Variants in KLRG1 observed in about 807,000 individuals in gnomAD.
The protein encoded by KLRG1 is killer cell lectin like receptor G1.
Under a neutral mutation model 21.8 loss-of-function variants are expected in KLRG1, and 16 were observed. The ratio of observed to expected loss-of-function variants is 0.73; its 90% CI spans 0.50 to 1.11. The LOEUF (loss-of-function observed/expected upper bound fraction) is 1.11, where lower values mean the gene tolerates loss of function less well. Ranked by LOEUF, KLRG1 falls within the 50% of genes most tolerant of loss-of-function variation. KLRG1 has a pLI of 0.00. For missense variants in KLRG1, 173 were observed against 218.3 expected (o/e 0.79, Z 1.31); for synonymous variants, 69 against 75.9 (o/e 0.91, Z 0.47).
chr12:9,007,707 C>A (rs932723436), intron 3 of KLRG1, among the ~76,000 whole-genome samples: 1 of 152,146 alleles, frequency 6.6e-6, no homozygotes, highest in Non-Finnish European at 1.5e-5. Context: ...AAAACAACAT[C>A]AAAATGGGAC....
chr12:9,120,626 A>G, the KLRG1 span, among the ~76,000 whole-genome samples: 1 of 152,232 alleles, frequency 6.6e-6, no homozygotes, highest in Non-Finnish European at 1.5e-5. Flanking sequence ...AGCTTCCCAT[A>G]GTCCTGACAG....
chr12:9,160,725 G>T, the KLRG1 span, among the ~76,000 whole-genome samples: 1 of 151,990 alleles, frequency 6.6e-6, no homozygotes, highest in Non-Finnish European at 1.5e-5. Context: ...CCATCCTGGT[G>T]AACACGGTGA....
the KLRG1 span, chr12:9,208,505 C>T: frequency 1.7e-6 from 1 of 574,860 alleles, no homozygotes; most frequent in Non-Finnish European, 3.1e-6. Context: ...CTAAAAGGGT[C>T]ATTACTCTCA....
chr12:9,082,591 A>G, the KLRG1 span, among the ~76,000 whole-genome samples: 1 of 152,216 alleles, frequency 6.6e-6, no homozygotes. Context: ...TAAAAACCAG[A>G]AGAAGTGGCT....
chr12:9,009,832 C>T lies in KLRG1; in HGVS notation c.*295C>T, dbSNP rs746671474. 446 of 1,440,898 alleles carry T rather than the reference C, an allele frequency of 3.1e-4. No individual in the cohort carries two copies. The highest frequency in any genetic ancestry group is 3.8e-4 in the Non-Finnish European group (418 of 1,102,332). The allele number at this position is 1,440,898 out of a possible 1,614,324, so 89.3% of individuals were successfully genotyped here. A position where few individuals can be genotyped will look rare whatever the true frequency, so the allele number is the denominator to read the frequency against. The stretch of plus-strand genomic sequence containing the variant: ...AAACTAATGCTGCCACTCTCATCCC[C>T]GTCCCAACCATCTCTGTCAAAAATA... On this transcript the variant is annotated 3_prime_UTR_variant, in exon 5 of 5. Coordinates refer to ENST00000356986, the MANE Select transcript of KLRG1 (RefSeq NM_005810.4).
chr12:9,023,494 C>T, the KLRG1 span, among the ~76,000 whole-genome samples: 3 of 151,788 alleles, frequency 2.0e-5, no homozygotes, highest in Non-Finnish European at 4.4e-5. Flanking sequence ...TTAATGAATT[C>T]TTCTAGAAAT....
the KLRG1 span, among the ~76,000 whole-genome samples, chr12:9,130,712 A>G: frequency 2.0e-5 from 3 of 151,678 alleles, no homozygotes; most frequent in Non-Finnish European, 2.9e-5. Flanking sequence ...ACTTCTAAAT[A>G]TATTCTTTGT....
chr12:9,203,034 A>G, the KLRG1 span, among the ~76,000 whole-genome samples: 1 of 152,158 alleles, frequency 6.6e-6, no homozygotes. Flanking sequence ...AACTTTAAAG[A>G]GGTACTAGGT....
the KLRG1 span, chr12:9,095,635 A>C: frequency 1.2e-6 from 2 of 1,612,744 alleles, no homozygotes; most frequent in Non-Finnish European, 1.7e-6. Context: ...TGCAGTCTTC[A>C]TTGTCCTGGT....
chr12:9,134,117 C>T, the KLRG1 span, among the ~76,000 whole-genome samples: 3 of 152,310 alleles, frequency 2.0e-5, no homozygotes, highest in South Asian at 6.2e-4. Context: ...CTACAGAACT[C>T]TTCTTTCCCT....
At chr12:9,043,678 T>C in the KLRG1 span, among the ~76,000 whole-genome samples, 9 of 152,218 alleles carry the variant, frequency 5.9e-5, no homozygotes, top group African/African-American at 2.2e-4. Context: ...TTGCTACTCC[T>C]CCCTCAAGAG....
chr12:9,165,426 T>C, the KLRG1 span: 2 of 1,584,312 alleles, frequency 1.3e-6, no homozygotes, highest in Non-Finnish European at 1.7e-6. Flanking sequence ...TTTTCTCAAG[T>C]GAGAATTAAT....
At chr12:9,065,445 G>A in the KLRG1 span, among the ~76,000 whole-genome samples, 4 of 152,080 alleles carry the variant, frequency 2.6e-5, no homozygotes, top group African/African-American at 9.7e-5. Context: ...AGCAAGGTCG[G>A]GCCGAGCCTG....
chr12:9,160,863 C>A, the KLRG1 span, among the ~76,000 whole-genome samples: 15 of 151,134 alleles, frequency 9.9e-5, no homozygotes, highest in Admixed American at 6.6e-4. Context: ...TGCAGTGAGC[C>A]GAGATCACGT....
chr12:8,969,240 G>A (rs1321269368), intron 1 of KLRG1, among the ~76,000 whole-genome samples: 1 of 152,260 alleles, frequency 6.6e-6, no homozygotes, highest in African/African-American at 2.4e-5. Context: ...GGAGGGTGCA[G>A]TGGCTCCTGG....
chr12:9,072,783 G>A, the KLRG1 span: 2 of 1,614,206 alleles, frequency 1.2e-6, no homozygotes, highest in Non-Finnish European at 1.7e-6. Context: ...TGTCCCTGAA[G>A]ACTGGATAGT....
chr12:9,075,891 G>T, the KLRG1 span, among the ~76,000 whole-genome samples: 1 of 152,116 alleles, frequency 6.6e-6, no homozygotes, highest in African/African-American at 2.4e-5. Flanking sequence ...GTGTTTTCTA[G>T]TTATAGCTTA....
chr12:9,060,160 A>AGG, the KLRG1 span, among the ~76,000 whole-genome samples: 1 of 151,810 alleles, frequency 6.6e-6, no homozygotes, highest in East Asian at 1.9e-4. Context: ...GCCCGCCACC[A>AGG]CATCCGGCTA....
the KLRG1 span, among the ~76,000 whole-genome samples, chr12:9,143,685 G>GC: frequency 6.6e-6 from 1 of 152,070 alleles, no homozygotes; most frequent in African/African-American, 2.4e-5. Flanking sequence ...AAAATCAAAG[G>GC]TGCCATTTTC....
Sources: gnomAD v4.1 joint callset for allele counts (sites outside exome capture counted in the v4.1 genomes callset) on GRCh38, gnomAD v4.1.1 for gene constraint, MANE v1.5 for transcripts, NCBI Gene and HGNC (gene_info 2026-07-23, HGNC 2026-07-21) for gene names.